GTF2E1: variants seen among roughly 807,000 people sequenced by gnomAD.
The protein encoded by GTF2E1 is general transcription factor IIE subunit 1, also known as TFIIE alpha subunit.
In GTF2E1, 14 loss-of-function variants were observed where a neutral mutation model predicts 34.9. That is an observed-to-expected ratio of 0.40 (90% CI 0.27 to 0.63). The LOEUF is 0.63. Ranked by LOEUF, GTF2E1 falls within the 20% of genes least tolerant of loss-of-function variation. The pLI, the probability that GTF2E1 is intolerant of heterozygous loss-of-function variation, is 0.39. For missense variants in GTF2E1, 469 were observed against 557.7 expected (o/e 0.84, Z 1.60); for synonymous variants, 188 against 192.9 (o/e 0.97, Z 0.21).
intron 2 of GTF2E1, among the ~76,000 whole-genome samples, chr3:120,763,272 C>A (rs994920644): frequency 2.0e-5 from 3 of 152,054 alleles, no homozygotes; most frequent in Admixed American, 6.5e-5. Flanking sequence ...GTTTTTTGCC[C>A]TTCTTCCCCC....
At chr3:120,758,086 G>A (rs566401045) in intron 2 of GTF2E1, among the ~76,000 whole-genome samples, 4 of 152,116 alleles carry the variant, frequency 2.6e-5, no homozygotes, top group Admixed American at 2.0e-4. Context: ...CTTGAACCTC[G>A]GAGGCAGAGG....
At chr3:120,754,770 TTGAGA>T (rs1483997201) in intron 2 of GTF2E1, among the ~76,000 whole-genome samples, 3 of 152,056 alleles carry the variant, frequency 2.0e-5, no homozygotes, top group African/African-American at 7.2e-5. Context: ...ATTTTAAATT[TTGAGA>T]TGAGATAATT....
intron 2 of GTF2E1, among the ~76,000 whole-genome samples, chr3:120,767,068 C>T (rs1012923710): frequency 1.3e-5 from 2 of 152,106 alleles, no homozygotes; most frequent in Middle Eastern, 3.2e-3. Context: ...TTGGCTTTGA[C>T]AGGCTTCTCA....
rs542392621 is a variant in GTF2E1, at chr3:120,759,352, G to A, written c.448+8352G>A. On this transcript the variant is annotated intron_variant, in intron 2 of 4. Coordinates refer to ENST00000283875, the MANE Select transcript of GTF2E1 (RefSeq NM_005513.3). ...TCTGGTTATTAGCCCTTTGTCAGGT[G>A]GGTAGATTGCAAAGATTTTCTCCCA... 9.9e-5 allele frequency among the ~76,000 whole-genome samples: 15 copies of A among 152,186 alleles called. No homozygotes were observed. In the South Asian group the frequency reaches 2.9e-3, roughly 30 times the overall value.
At chr3:120,778,533 A>G (rs1214325375) in intron 4 of GTF2E1, among the ~76,000 whole-genome samples, 2 of 152,120 alleles carry the variant, frequency 1.3e-5, no homozygotes, top group African/African-American at 4.8e-5. Flanking sequence ...GTTTTCCTTA[A>G]ACAGTTCTCT....
At chr3:120,777,410 A>G (rs956859121) in intron 4 of GTF2E1, among the ~76,000 whole-genome samples, 10 of 152,150 alleles carry the variant, frequency 6.6e-5, no homozygotes, top group African/African-American at 1.7e-4. Flanking sequence ...TTATCAGTGT[A>G]ACAATCAATG....
At chr3:120,767,043 T>C (rs1432825042) in intron 2 of GTF2E1, among the ~76,000 whole-genome samples, 1 of 152,160 alleles carries the variant, frequency 6.6e-6, no homozygotes, top group Non-Finnish European at 1.5e-5. Context: ...AGAAGAAAAA[T>C]AAGAAATTCT....
At chr3:120,758,670 T>C in intron 2 of GTF2E1, among the ~76,000 whole-genome samples, 1 of 151,092 alleles carries the variant, frequency 6.6e-6, no homozygotes, top group East Asian at 1.9e-4. Context: ...GAACGTGAGG[T>C]GTTTGATTTT....
rs544078707 is a variant in GTF2E1 at position 120,765,673 on chromosome 3, G to T, written c.449-5055G>T. Among the ~76,000 whole-genome samples, 17 of 152,264 alleles carry T rather than the reference G, an allele frequency of 1.1e-4. No individual in the cohort carries two copies. The South Asian group carries it at 3.5e-3, about 32-fold the overall frequency. On this transcript the variant is annotated intron_variant, in intron 2 of 4. Coordinates refer to ENST00000283875, the MANE Select transcript of GTF2E1 (RefSeq NM_005513.3). ...TTGGTAAACTTAACGCCTCTTAAGC[G>T]TTCATTTCCTTGTATGTCAGATTTG... is the stretch of plus-strand genomic sequence containing the variant.
At position 120,774,551 on chromosome 3, in the gene GTF2E1, A is replaced by T. The variant is rs114153782; in HGVS notation, c.651-1872A>T. Among the ~76,000 whole-genome samples, 653 of 152,228 alleles carry T rather than the reference A, an allele frequency of 4.3e-3. 7 individuals carry two copies. Among genetic ancestry groups the T allele is most frequent in the African/African-American group, 0.015 (624 of 41,540 alleles). ...TTGAGATGAACAAGAAATGATACACAAAGTAACATCAATGAATGCAGAAAG... is the reference window on the plus strand; with the variant it reads ...TTGAGATGAACAAGAAATGATACACTAAGTAACATCAATGAATGCAGAAAG... On this transcript the variant is annotated intron_variant, in intron 3 of 4. Transcript: ENST00000283875.
chr3:120,770,899 A>G lies in GTF2E1; in HGVS notation c.620A>G (p.Glu207Gly), dbSNP rs1331655466. ...TTGGCCTATGAAATACTTGAGCCAG[A>G]ACCCACAGAAATCCCAGCCCTGAAA... ...VNLAYEILEP[E>G]PTEIPALKQS... Residue 207 changes from glutamate (E) to glycine (G), a missense_variant, in exon 3 of 5, where the codon GAA (glutamate) becomes GGA (glycine). Physicochemically the swap from Glu to Gly is moderately conservative, Grantham distance 98. Transcript: ENST00000283875. 6.2e-7 allele frequency: 1 copy of G among 1,613,568 alleles called. No individual in the cohort carries two copies.
intron 2 of GTF2E1, among the ~76,000 whole-genome samples, chr3:120,755,016 A>T (rs1286523757): frequency 6.6e-6 from 1 of 152,128 alleles, no homozygotes; most frequent in Non-Finnish European, 1.5e-5. Flanking sequence ...AGAATATGAC[A>T]CTTCTCATGG....
intron 4 of GTF2E1, among the ~76,000 whole-genome samples, chr3:120,779,958 A>T (rs959621124): frequency 2.0e-5 from 3 of 152,240 alleles, no homozygotes; most frequent in African/African-American, 7.2e-5. Flanking sequence ...CAGAATGCAG[A>T]TGGTTTTCTT....
At chr3:120,775,398 A>C (rs915540842) in intron 3 of GTF2E1, among the ~76,000 whole-genome samples, 4 of 152,226 alleles carry the variant, frequency 2.6e-5, no homozygotes, top group African/African-American at 9.6e-5. Context: ...AGGCAGTTCA[A>C]GAAACATGAA....
At chr3:120,756,638 C>T in intron 2 of GTF2E1, among the ~76,000 whole-genome samples, 1 of 151,944 alleles carries the variant, frequency 6.6e-6, no homozygotes, top group East Asian at 1.9e-4. Context: ...TTTAAAAAAA[C>T]ATTTTGGCTG....
At chr3:120,768,135 A>G (rs900644705) in intron 2 of GTF2E1, among the ~76,000 whole-genome samples, 13 of 152,222 alleles carry the variant, frequency 8.5e-5, no homozygotes, top group African/African-American at 2.9e-4. Flanking sequence ...GATAAATAAT[A>G]AAACATGTTG....
At chr3:120,766,795 T>C (rs1191766985) in intron 2 of GTF2E1, among the ~76,000 whole-genome samples, 1 of 152,138 alleles carries the variant, frequency 6.6e-6, no homozygotes, top group Non-Finnish European at 1.5e-5. Flanking sequence ...GTTCTGTCTG[T>C]GTATGCCACC....
chr3:120,749,163 T>C (rs1185212077), intron 1 of GTF2E1, among the ~76,000 whole-genome samples: 1 of 152,166 alleles, frequency 6.6e-6, no homozygotes, highest in African/African-American at 2.4e-5. Flanking sequence ...GCTGAGACAA[T>C]GGGGTTTTCT....
intron 4 of GTF2E1, among the ~76,000 whole-genome samples, chr3:120,779,891 C>G (rs1449380477): frequency 2.0e-5 from 3 of 152,154 alleles, no homozygotes; most frequent in African/African-American, 7.2e-5. Flanking sequence ...CCAAACAATA[C>G]TTTTAATCTT....
Sources: gnomAD v4.1 joint callset for allele counts (sites outside exome capture counted in the v4.1 genomes callset) on GRCh38, gnomAD v4.1.1 for gene constraint, MANE v1.5 for transcripts, NCBI Gene and HGNC (gene_info 2026-07-23, HGNC 2026-07-21) for gene names.